The following PDE1A variants were observed in gnomAD, a reference collection of about 807,000 sequenced individuals.
PDE1A encodes phosphodiesterase 1A.
A neutral mutation model predicts 61.7 loss-of-function variants in PDE1A; 35 were observed. That is an observed-to-expected ratio of 0.57 (90% CI 0.43 to 0.75). The LOEUF (loss-of-function observed/expected upper bound fraction) is 0.75, where lower values mean the gene tolerates loss of function less well. PDE1A is among the 30% of genes least tolerant of loss of function. PDE1A has a pLI of 0.00. For missense variants in PDE1A, 597 were observed against 630.6 expected, an observed-to-expected ratio of 0.95 and a Z score of 0.57; for synonymous variants, 232 against 213.2, an observed-to-expected ratio of 1.09 and a Z score of -0.77.
the PDE1A span, among the ~76,000 whole-genome samples, chr2:182,690,795 CA>C: frequency 3.3e-5 from 5 of 152,126 alleles, no homozygotes; most frequent in African/African-American, 1.2e-4. Flanking sequence ...CATCTCAGCC[CA>C]AAATCTCTTT....
the PDE1A span, among the ~76,000 whole-genome samples, chr2:182,564,740 C>T: frequency 1.3e-5 from 2 of 152,294 alleles, no homozygotes; most frequent in African/African-American, 4.8e-5. Flanking sequence ...TTCTTGGAGG[C>T]TTTGTTCGTT....
the PDE1A span, among the ~76,000 whole-genome samples, chr2:182,714,364 C>G: frequency 3.3e-4 from 50 of 152,232 alleles, no homozygotes; most frequent in Admixed American, 1.3e-4. Flanking sequence ...TTTCTCCAAT[C>G]TAGACATTAC....
At chr2:182,609,994 A>G in the PDE1A span, among the ~76,000 whole-genome samples, 1 of 151,932 alleles carries the variant, frequency 6.6e-6, no homozygotes, top group Non-Finnish European at 1.5e-5. Context: ...AGGCTGAGGT[A>G]GGAGAATCGC....
At chr2:182,509,243 T>A (rs1689629834) in intron 2 of PDE1A, among the ~76,000 whole-genome samples, 1 of 152,212 alleles carries the variant, frequency 6.6e-6, no homozygotes, top group African/African-American at 2.4e-5. Flanking sequence ...AATTCTCTTG[T>A]AGCTATTAGC....
chr2:182,459,070 A>G (rs1686107069), intron 2 of PDE1A, among the ~76,000 whole-genome samples: 1 of 152,140 alleles, frequency 6.6e-6, no homozygotes, highest in African/African-American at 2.4e-5. Flanking sequence ...GTATTTTATG[A>G]TTTTAATACA....
chr2:182,361,055 C>T (rs1699474695), intron 1 of PDE1A, among the ~76,000 whole-genome samples: 1 of 152,196 alleles, frequency 6.6e-6, no homozygotes, highest in Admixed American at 6.6e-5. Context: ...GAGACAGACA[C>T]TGCAATCACC....
intron 2 of PDE1A, among the ~76,000 whole-genome samples, chr2:182,502,423 G>C (rs1053535092): frequency 1.3e-5 from 2 of 152,082 alleles, no homozygotes; most frequent in Admixed American, 1.3e-4. Context: ...TAGAATGCCA[G>C]AGAGCCCTCG....
At chr2:182,669,083 C>T in the PDE1A span, among the ~76,000 whole-genome samples, 2 of 151,364 alleles carry the variant, frequency 1.3e-5, no homozygotes, top group Non-Finnish European at 2.9e-5. Flanking sequence ...GAGAAACAGC[C>T]TTTCAGGAAG....
the PDE1A span, among the ~76,000 whole-genome samples, chr2:182,711,399 A>T: frequency 3.9e-4 from 60 of 152,166 alleles, no homozygotes; most frequent in Non-Finnish European, 5.7e-4. Flanking sequence ...GACACCTGTG[A>T]TATTACATTG....
At chr2:182,507,349 C>T (rs919475942) in intron 2 of PDE1A, among the ~76,000 whole-genome samples, 1 of 152,122 alleles carries the variant, frequency 6.6e-6, no homozygotes, top group Non-Finnish European at 1.5e-5. Context: ...TGTTTTCTCA[C>T]AATTTTGAGA....
At chr2:182,596,586 C>G in the PDE1A span, among the ~76,000 whole-genome samples, 1 of 152,110 alleles carries the variant, frequency 6.6e-6, no homozygotes, top group Non-Finnish European at 1.5e-5. Context: ...GTGCAGGTAA[C>G]TCCATTGAAA....
chr2:182,277,462 T>G (rs1189888306), intron 1 of PDE1A, among the ~76,000 whole-genome samples: 1 of 152,116 alleles, frequency 6.6e-6, no homozygotes, highest in East Asian at 1.9e-4. Context: ...AAAGATCAAG[T>G]GCTGAGCATT....
chr2:182,531,836 A>C, the PDE1A span, among the ~76,000 whole-genome samples: 1 of 152,140 alleles, frequency 6.6e-6, no homozygotes, highest in South Asian at 2.1e-4. Flanking sequence ...ATCTCCTAAT[A>C]CTATCCCTCC....
At chr2:182,506,148 T>G (rs187215334) in intron 2 of PDE1A, among the ~76,000 whole-genome samples, 29 of 152,280 alleles carry the variant, frequency 1.9e-4, no homozygotes, top group African/African-American at 6.5e-4. Context: ...TATATAAAAT[T>G]TTTCCTTTTT....
chr2:182,477,444 T>C (rs894959075), intron 2 of PDE1A, among the ~76,000 whole-genome samples: 4 of 151,878 alleles, frequency 2.6e-5, no homozygotes, highest in African/African-American at 9.7e-5. Context: ...ATGAAGAAAT[T>C]GAGGCTCAGA....
intron 2 of PDE1A, among the ~76,000 whole-genome samples, chr2:182,498,802 GAC>G (rs1383671020): frequency 6.6e-6 from 1 of 151,972 alleles, no homozygotes; most frequent in Admixed American, 6.5e-5. Flanking sequence ...AAATTAGCCG[GAC>G]GCGGTGGCGG....
chr2:182,251,647 A>G (rs369541746), intron 2 of PDE1A, among the ~76,000 whole-genome samples: 15 of 152,320 alleles, frequency 9.8e-5, no homozygotes, highest in Admixed American at 6.5e-4. Flanking sequence ...ACAGCTTGCC[A>G]ATTAATGGAA....
rs182343293 is a variant in PDE1A, at chr2:182,410,205, A to T, written c.53+16373T>A. On this transcript the variant is annotated intron_variant, in intron 1 of 13. Coordinates refer to ENST00000351439, the Ensembl canonical transcript of PDE1A. ...TGTTTCTACAATTTAAAAAAGAAAA[A>T]TTTTTTTTTTAATTAGCTAGGCATG... Among the ~76,000 whole-genome samples, 685 of 148,214 alleles carry T rather than the reference A, an allele frequency of 4.6e-3. 9 individuals carry two copies. Among genetic ancestry groups the T allele is most frequent in the South Asian group, 0.039 (181 of 4,586 alleles).
chr2:182,678,234 C>T, the PDE1A span, among the ~76,000 whole-genome samples: 1 of 152,102 alleles, frequency 6.6e-6, no homozygotes, highest in Non-Finnish European at 1.5e-5. Flanking sequence ...ACCAGTCTGG[C>T]CAACATGGCA....
Sources: allele counts gnomAD v4.1 joint callset (sites outside exome capture counted in the v4.1 genomes callset), GRCh38; gene constraint gnomAD v4.1.1; transcripts MANE v1.5; gene names NCBI Gene and HGNC (gene_info 2026-07-23, HGNC 2026-07-21).